Variants in VPS18 observed in about 807,000 individuals in gnomAD.
VPS18 encodes VPS18 core subunit of CORVET and HOPS complexes, also known as vacuolar protein sorting-associated protein 18 homolog.
In VPS18, 25 loss-of-function variants were observed where a neutral mutation model predicts 82.0. The ratio of observed to expected loss-of-function variants is 0.30; its 90% CI spans 0.22 to 0.43. VPS18 has a LOEUF of 0.43. Among genes scored for constraint, VPS18 ranks in the 20% least tolerant of loss-of-function variants. The pLI is 1.00. For synonymous variants in VPS18, 523 were observed against 543.0 expected, an observed-to-expected ratio of 0.96 and a Z score of 0.51; for missense variants, 1,168 against 1,311.1, an observed-to-expected ratio of 0.89 and a Z score of 1.69.
Position 40,895,976 on chromosome 15 carries a change from T to C in VPS18, c.130T>C (p.Phe44Leu), listed in dbSNP as rs1468429944. ...NAQLEKEVPI[F>L]TKQRIDFTPS... is the part of the protein sequence containing the mutation. ...CCAGCTGGAGAAGGAAGTGCCCATC[T>C]TCACAAAGCAGCGCATTGACTTCAC... The change falls in exon 2 of 5, where the codon TTC (phenylalanine) becomes CTC (leucine). Residue 44 changes from phenylalanine to leucine, a missense_variant. Phe to Leu is a conservative substitution (Grantham distance 22). Around this residue, in one of 3 missense-constraint regions of VPS18, gnomAD observed 868 missense variants for 939.8 expected, o/e 0.92. Coordinates refer to ENST00000220509, the MANE Select transcript of VPS18 (RefSeq NM_020857.3). 6.2e-7 allele frequency: 1 copy of C among 1,614,212 alleles called. No homozygotes were observed. Among genetic ancestry groups the C allele is most frequent in the East Asian group, 2.2e-5 (1 of 44,884 alleles).
rs753334731 is a variant in VPS18 at position 40,899,138 on chromosome 15, C to T, written c.326-6C>T. Reference sequence around the variant, plus strand: ...CCACTGGGGCGCCATGCTCTCCCCACTCCAGGCTCTCACCTGCTGATTGCC... The same window carrying T: ...CCACTGGGGCGCCATGCTCTCCCCATTCCAGGCTCTCACCTGCTGATTGCC... On this transcript the variant is annotated splice_polypyrimidine_tract_variant and splice_region_variant and intron_variant, in intron 3 of 4. Coordinates refer to ENST00000220509, the MANE Select transcript of VPS18 (RefSeq NM_020857.3). The surrounding 1 kb of genome is among the most constrained non-coding windows in gnomAD (Gnocchi z 4.4). 6.8e-6 allele frequency: 11 copies of T among 1,610,276 alleles called. No individual in the cohort carries two copies. In the South Asian group the frequency reaches 1.1e-4, roughly 16 times the overall value.
Position 40,900,217 on chromosome 15 carries a change from G to A in VPS18, c.1399G>A (p.Glu467Lys). The A allele has an allele frequency of 1.9e-6, 3 of 1,613,866 alleles. No homozygotes were observed. Among genetic ancestry groups the A allele is most frequent in the East Asian group, 2.2e-5 (1 of 44,876 alleles). The change falls in exon 4 of 5, where the codon GAG becomes AAG. Residue 467 changes from glutamate (E) to lysine (K), a missense_variant. This residue lies in a region of VPS18 where 868 missense variants were observed against 939.8 expected (regional missense o/e 0.92). Transcript: ENST00000220509. The surrounding 1 kb of genome is among the most constrained non-coding windows in gnomAD (Gnocchi z 5.4). ...CAAGTTCCTGGAGGCCCGACAGGAG[G>A]AGGCTCTGGCTGAGTTCCTGCAGCG... The part of the protein sequence containing the change: ...ALKFLEARQE[E>K]ALAEFLQRKL...
Position 40,903,418 on chromosome 15 carries a change from C to T in VPS18, c.*77C>T. 6.0e-6 allele frequency: 9 copies of T among 1,497,330 alleles called. No individual in the cohort carries two copies. The highest frequency in any genetic ancestry group is 7.1e-6 in the Non-Finnish European group (8 of 1,124,834). 92.8% of individuals were successfully genotyped at this position (1,497,330 alleles called of 1,614,324 possible). On this transcript the variant is annotated 3_prime_UTR_variant, in exon 5 of 5. Coordinates refer to ENST00000220509, the MANE Select transcript of VPS18 (RefSeq NM_020857.3). ...CCACTTGAGAAGGCTGCCTCCTAGG[C>T]TCTGCTCAGTCATCTTGCAATTGCC...
Position 40,900,399 on chromosome 15 carries a change from C to T in VPS18, c.1581C>T (p.Leu527=). 1.9e-6 allele frequency: 3 copies of T among 1,613,810 alleles called. No homozygotes were observed. The highest frequency in any genetic ancestry group is 2.5e-6 in the Non-Finnish European group (3 of 1,180,002). ...RETKECFRTF[L]SSPRHKEWLF... is the part of the protein sequence containing the mutation. ...CCAAGGAATGCTTTCGAACCTTCCTCAGCAGCCCCCGCCACAAAGAGTGGC... is the reference window on the plus strand; with the variant it reads ...CCAAGGAATGCTTTCGAACCTTCCTTAGCAGCCCCCGCCACAAAGAGTGGC... The change falls in exon 4 of 5, where the codon CTC becomes CTT. Residue 527 remains leucine (L), a synonymous_variant. Transcript: ENST00000220509. The surrounding 1 kb of genome is among the most constrained non-coding windows in gnomAD (Gnocchi z 5.4).
chr15:40,894,704 A>T lies in VPS18; in HGVS notation c.-65A>T. 1 of 1,459,542 alleles carries T rather than the reference A, an allele frequency of 6.9e-7. No individual in the cohort carries two copies. The highest frequency in any genetic ancestry group is 1.3e-5 in the South Asian group (1 of 76,076). 90.4% of individuals were successfully genotyped at this position (1,459,542 alleles called of 1,614,324 possible). On this transcript the variant is annotated 5_prime_UTR_variant, in exon 1 of 5. Transcript: ENST00000220509. The stretch of plus-strand genomic sequence containing the variant: ...CAGCTTCCATTCTGGGGCGACGGGG[A>T]CCCCGGGGGGGTAGCCCTTTTGTAA...
chr15:40,896,789 C>A (rs1322051140), intron 2 of VPS18, among the ~76,000 whole-genome samples: 1 of 133,904 alleles, frequency 7.5e-6, no homozygotes, highest in African/African-American at 2.9e-5. Context: ...CCAGCCCAGG[C>A]GACAACAGTG....
chr15:40,901,597 A>AG (rs1228574645), intron 4 of VPS18, among the ~76,000 whole-genome samples: 2 of 151,738 alleles, frequency 1.3e-5, no homozygotes, highest in African/African-American at 4.8e-5. Context: ...AAAAAAAAAA[A>AG]AAGAAAAAGA....
At chr15:40,897,274 T>G (rs1420086545) in intron 2 of VPS18, among the ~76,000 whole-genome samples, 4 of 150,926 alleles carry the variant, frequency 2.7e-5, no homozygotes, top group Non-Finnish European at 5.9e-5. Flanking sequence ...CCAGCCTGGA[T>G]GACAAGAGCA....
intron 2 of VPS18, among the ~76,000 whole-genome samples, chr15:40,896,864 T>C (rs1045928515): frequency 2.0e-5 from 3 of 150,894 alleles, no homozygotes; most frequent in Non-Finnish European, 4.4e-5. Flanking sequence ...GAGTGTAGAC[T>C]TAAGAGTATT....
chr15:40,901,766 C>T (rs962028063), intron 4 of VPS18, among the ~76,000 whole-genome samples: 1 of 151,880 alleles, frequency 6.6e-6, no homozygotes, highest in Non-Finnish European at 1.5e-5. Flanking sequence ...GTTAGCTGGG[C>T]GTGGTGGCAC....
rs774001549 is a variant in VPS18 at position 40,902,915 on chromosome 15, C to T, written c.2496C>T (p.Arg832=). 1.9e-6 allele frequency: 3 copies of T among 1,614,266 alleles called. No homozygotes were observed. The East Asian group carries it at 6.7e-5, about 36-fold the overall frequency. The change falls in exon 5 of 5, where the codon CGC becomes CGT. Residue 832 remains arginine, a synonymous_variant. Coordinates refer to ENST00000220509, the MANE Select transcript of VPS18 (RefSeq NM_020857.3). The surrounding 1 kb of genome is among the most constrained non-coding windows in gnomAD (Gnocchi z 4.2). ...AAGAGGCTACAGCCAGTGCCCAGCG[C>T]ATCCGGCGAGACCTGCAGGAGCTGC... ...EMEEATASAQ[R]IRRDLQELRG...
At position 40,900,808 on chromosome 15, in the gene VPS18, C is replaced by G; in HGVS notation, c.1990C>G (p.His664Asp). ...NVLGETEQAI[H>D]NYLLSLYARG... is the part of the protein sequence containing the mutation. ...GCTGGGGGAGACTGAGCAGGCCATC[C>G]ACAACTACCTGCTGTCACTGTATGC... Residue 664 changes from histidine (H) to aspartate (D), a missense_variant, in exon 4 of 5, where the codon CAC becomes GAC. By Grantham distance (81) the His-to-Asp change is moderately conservative (BLOSUM62 -1). This residue lies in a region of VPS18 where 868 missense variants were observed against 939.8 expected (regional missense o/e 0.92). Transcript: ENST00000220509. This position sits in a 1 kb window ranked among gnomAD's most constrained non-coding sequence, Gnocchi z 5.4. 6.2e-7 allele frequency: 1 copy of G among 1,614,212 alleles called. No individual in the cohort carries two copies. The highest frequency in any genetic ancestry group is 8.5e-7 in the Non-Finnish European group (1 of 1,180,042).
rs1292980188 is a variant in VPS18 at position 40,896,038 on chromosome 15, C to A, written c.192C>A (p.Ser64Arg). The A allele has an allele frequency of 1.9e-6, 3 of 1,614,106 alleles. No homozygotes were observed. In the African/African-American group the frequency reaches 4.0e-5, roughly 22 times the overall value. Residue 64 changes from serine (S) to arginine (R), a missense_variant, in exon 2 of 5, where the codon AGC (serine) becomes AGA (arginine). Physicochemically the swap from Ser to Arg is moderately radical, Grantham distance 110 (BLOSUM62 -1). This residue lies in a region of VPS18 where 868 missense variants were observed against 939.8 expected (regional missense o/e 0.92). Transcript: ENST00000220509. ...SERITSLVVS[S>R]NQLCMSLGKD... ...GCATTACCAGTCTTGTCGTCTCCAG[C>A]AATCAGCTGTGCATGAGCCTGGGCA...
chr15:40,895,911 A>G, intron 1 of VPS18, 27 bp from the exon 2 acceptor site: 1 of 1,613,762 alleles, frequency 6.2e-7, no homozygotes, highest in Non-Finnish European at 8.5e-7. Flanking sequence ...TTCCACAGCT[A>G]ATCTTCTTGT....
In VPS18 at chr15:40,900,030, C is replaced by T. The variant is rs1303421463; in HGVS notation, c.1212C>T (p.Asp404=). Residue 404 remains aspartate, a synonymous_variant, in exon 4 of 5, where the codon GAC becomes GAT. Transcript: ENST00000220509. The surrounding 1 kb of genome is among the most constrained non-coding windows in gnomAD (Gnocchi z 5.4). ...GAGATGTCTGGCGCACCTATCTGGA[C>T]ATGAACCGCTTCGATCTGGCCAAAG... ...EARDVWRTYL[D]MNRFDLAKEY... 1.2e-6 allele frequency: 2 copies of T among 1,613,898 alleles called. No homozygotes were observed. The highest frequency in any genetic ancestry group is 1.7e-6 in the Non-Finnish European group (2 of 1,180,022).
Position 40,899,414 on chromosome 15 carries a change from A to C in VPS18, c.596A>C (p.Glu199Ala), listed in dbSNP as rs752940257. Residue 199 changes from glutamate (E) to alanine (A), a missense_variant, in exon 4 of 5, where the codon GAA becomes GCA. Glu to Ala is a moderately radical substitution (Grantham distance 107, BLOSUM62 -1). This residue lies in a region of VPS18 where 868 missense variants were observed against 939.8 expected (regional missense o/e 0.92). Coordinates refer to ENST00000220509, the MANE Select transcript of VPS18 (RefSeq NM_020857.3). The surrounding 1 kb of genome is among the most constrained non-coding windows in gnomAD (Gnocchi z 4.4). ...CGCCCATTGTACGTGCTAAATGAAG[A>C]AGGGGGTCCAGCACCTGTGTGCTCC... Reference protein sequence around the residue: ...YFRPLYVLNEEGGPAPVCSLE... With the variant: ...YFRPLYVLNEAGGPAPVCSLE... 5.0e-6 allele frequency: 8 copies of C among 1,603,550 alleles called. No individual in the cohort carries two copies. The South Asian group carries it at 8.8e-5, about 18-fold the overall frequency.
rs939410172 is a variant in VPS18 at position 40,900,051 on chromosome 15, C to G, written c.1233C>G (p.Ala411=). The part of the protein sequence containing the change: ...TYLDMNRFDL[A]KEYCRERPDC... ...TGGACATGAACCGCTTCGATCTGGC[C>G]AAAGAGTATTGTCGAGAGCGGCCCG... The change falls in exon 4 of 5, where the codon GCC becomes GCG. Residue 411 remains alanine, a synonymous_variant. Coordinates refer to ENST00000220509, the MANE Select transcript of VPS18 (RefSeq NM_020857.3). The surrounding 1 kb of genome is among the most constrained non-coding windows in gnomAD (Gnocchi z 5.4). 6.2e-7 allele frequency: 1 copy of G among 1,613,664 alleles called. No individual in the cohort carries two copies. Among genetic ancestry groups the G allele is most frequent in the Non-Finnish European group, 8.5e-7 (1 of 1,180,012 alleles).
chr15:40,902,108 CTTTCTTTCT>C lies in VPS18; in HGVS notation c.2197-504_2197-496del, dbSNP rs1274387905. 9.3e-4 allele frequency among the ~76,000 whole-genome samples: 140 copies of C among 150,014 alleles called. 1 individual carries two copies. Among genetic ancestry groups the C allele is most frequent in the Admixed American group, 7.0e-3 (106 of 15,064 alleles). ...TCCCAGGTGATTTCTTTCTTTCTTT[CTTTCTTTCT>C]TTTTTTTTTTTTTGAGACGGAGTCT... On this transcript the variant is annotated intron_variant, in intron 4 of 4. Coordinates refer to ENST00000220509, the MANE Select transcript of VPS18 (RefSeq NM_020857.3). This position sits in a 1 kb window ranked among gnomAD's most constrained non-coding sequence, Gnocchi z 4.2.
At position 40,899,085 on chromosome 15, in the gene VPS18, A is replaced by T. The variant is rs1330109328; in HGVS notation, c.326-59A>T. The T allele has an allele frequency of 2.2e-5, 35 of 1,603,922 alleles. No individual in the cohort carries two copies. Among genetic ancestry groups the T allele is most frequent in the Non-Finnish European group, 3.0e-5 (35 of 1,173,182 alleles). On this transcript the variant is annotated intron_variant, in intron 3 of 4. Coordinates refer to ENST00000220509, the MANE Select transcript of VPS18 (RefSeq NM_020857.3). This position sits in a 1 kb window ranked among gnomAD's most constrained non-coding sequence, Gnocchi z 4.4. ...CTCTGAGGGTGGTGTGGGGGCCAGG[A>T]GGAGGCTGAGGATGGGAACGGCAGC...
Sources: allele counts gnomAD v4.1 joint callset (sites outside exome capture counted in the v4.1 genomes callset), GRCh38; gene constraint gnomAD v4.1.1; regional missense constraint gnomAD v4.1.1; non-coding constraint Gnocchi (gnomAD v3.1); transcripts MANE v1.5; gene names NCBI Gene and HGNC (gene_info 2026-07-23, HGNC 2026-07-21).